STK24: variants seen among roughly 807,000 people sequenced by gnomAD.
The protein encoded by STK24 is serine/threonine kinase 24, also known as serine/threonine-protein kinase 24.
Under a neutral mutation model 55.6 loss-of-function variants are expected in STK24, and 21 were observed. The ratio of observed to expected loss-of-function variants is 0.38; its 90% CI spans 0.27 to 0.54. The LOEUF is 0.54. Ranked by LOEUF, STK24 falls within the 20% of genes least tolerant of loss-of-function variation. The pLI is 0.79. For missense variants in STK24, 383 were observed against 538.4 expected, an observed-to-expected ratio of 0.71 and a Z score of 2.86; for synonymous variants, 200 against 215.2, an observed-to-expected ratio of 0.93 and a Z score of 0.62.
intron 2 of STK24, among the ~76,000 whole-genome samples, chr13:98,502,567 T>C (rs1895516153): frequency 6.6e-6 from 1 of 152,128 alleles, no homozygotes; most frequent in Admixed American, 6.5e-5. Flanking sequence ...ATGAATGTAT[T>C]AATGTGGTGA....
chr13:98,525,562 A>G (rs1223921861), intron 1 of STK24, among the ~76,000 whole-genome samples: 1 of 152,168 alleles, frequency 6.6e-6, no homozygotes, highest in Non-Finnish European at 1.5e-5. Context: ...TCAGCACTCA[A>G]AAATATCAAT....
chr13:98,546,375 AAC>A (rs5806069), intron 1 of STK24, among the ~76,000 whole-genome samples: 38,996 of 152,024 alleles, frequency 0.26, 5,157 homozygotes, highest in African/African-American at 0.29. Context: ...CTCTTACAAA[AAC>A]ACACACGAGT....
chr13:98,560,917 A>C (rs1436064700), intron 1 of STK24, among the ~76,000 whole-genome samples: 5 of 148,252 alleles, frequency 3.4e-5, no homozygotes, highest in South Asian at 2.2e-4. Context: ...AAAAAAAAAA[A>C]ACCATAATTC....
At chr13:98,566,456 C>T (rs1228210694) in intron 1 of STK24, among the ~76,000 whole-genome samples, 1 of 152,192 alleles carries the variant, frequency 6.6e-6, no homozygotes, top group Admixed American at 6.5e-5. Context: ...GCTTCCGCCC[C>T]AGTGATGCTG....
intron 2 of STK24, among the ~76,000 whole-genome samples, chr13:98,495,837 T>A (rs1280107593): frequency 6.6e-6 from 1 of 152,276 alleles, no homozygotes; most frequent in Non-Finnish European, 1.5e-5. Flanking sequence ...TCGTCGTTGC[T>A]GATGTGTTTA....
At chr13:98,559,506 T>C (rs1311148459) in intron 1 of STK24, among the ~76,000 whole-genome samples, 1 of 152,202 alleles carries the variant, frequency 6.6e-6, no homozygotes, top group Non-Finnish European at 1.5e-5. Flanking sequence ...TCTTTTTCTT[T>C]ATAAATACCC....
intron 2 of STK24, among the ~76,000 whole-genome samples, chr13:98,511,571 C>T (rs921101445): frequency 1.3e-5 from 2 of 152,196 alleles, no homozygotes; most frequent in African/African-American, 4.8e-5. Flanking sequence ...ATAGGTAAAC[C>T]TGGTTATACA....
chr13:98,546,823 G>A (rs1897038903), intron 1 of STK24, among the ~76,000 whole-genome samples: 2 of 151,984 alleles, frequency 1.3e-5, no homozygotes, highest in East Asian at 1.9e-4. Flanking sequence ...TGTTTGTCAT[G>A]TGGACTCCAG....
chr13:98,512,568 T>C (rs1011389455), intron 2 of STK24, among the ~76,000 whole-genome samples: 5 of 116,488 alleles, frequency 4.3e-5, no homozygotes, highest in Admixed American at 3.4e-4. Context: ...ACACACAAAG[T>C]AAGTTTTTTT....
In STK24 at chr13:98,446,062, C is replaced by G. The variant is rs1892813900; in HGVS notation, c.*7111G>C. Reference sequence around the variant, plus strand: ...TCTCTGTGCCCTCCTGGGGCAGGTGCCCGCTGTGCTTCTCACAGGCCTCCT... The same window carrying G: ...TCTCTGTGCCCTCCTGGGGCAGGTGGCCGCTGTGCTTCTCACAGGCCTCCT... On this transcript the variant is annotated 3_prime_UTR_variant, in exon 11 of 11. Transcript: ENST00000539966. 5 of 1,423,292 alleles carry G rather than the reference C, an allele frequency of 3.5e-6. No individual in the cohort carries two copies. Among genetic ancestry groups the G allele is most frequent in the Non-Finnish European group, 4.0e-6 (4 of 1,007,392 alleles). The allele number at this position is 1,423,292 out of a possible 1,614,324, so 88.2% of individuals were successfully genotyped here.
At position 98,457,288 on chromosome 13, in the gene STK24, T is replaced by C. The variant is rs754690599; in HGVS notation, c.1139A>G (p.Gln380Arg). 6.2e-7 allele frequency: 1 copy of C among 1,614,066 alleles called. No individual in the cohort carries two copies. The highest frequency in any genetic ancestry group is 8.5e-7 in the Non-Finnish European group (1 of 1,180,044). The change falls in exon 10 of 11, where the codon CAG (glutamine) becomes CGG (arginine). Residue 380 changes from glutamine (Q) to arginine (R), a missense_variant. Gln to Arg is a conservative substitution (Grantham distance 43). Transcript: ENST00000539966. ...PLFAELKEKS[Q>R]ACGGNLGSIE... ...GGACCCCAAGTTCCCTCCGCACGCC[T>C]GGCTCTTCTCCTTCAACTGAAAACA...
chr13:98,508,079 C>T (rs538969555), intron 2 of STK24, among the ~76,000 whole-genome samples: 1 of 152,202 alleles, frequency 6.6e-6, no homozygotes, highest in South Asian at 2.1e-4. Context: ...AATGACGGTC[C>T]CAGCTACCCA....
chr13:98,515,216 A>G (rs1234559285), intron 2 of STK24, among the ~76,000 whole-genome samples: 2 of 152,112 alleles, frequency 1.3e-5, no homozygotes, highest in Admixed American at 1.3e-4. Flanking sequence ...CGTTACAATT[A>G]TATGTCTTCA....
chr13:98,486,333 C>CA (rs1167125125), intron 2 of STK24, among the ~76,000 whole-genome samples: 1 of 152,186 alleles, frequency 6.6e-6, no homozygotes, highest in Admixed American at 6.5e-5. Flanking sequence ...GGACAACAGA[C>CA]AGTCAACATG....
chr13:98,525,566 T>C (rs59783217), intron 1 of STK24, among the ~76,000 whole-genome samples: 5,366 of 152,214 alleles, frequency 0.035, 294 homozygotes, highest in African/African-American at 0.12. Flanking sequence ...CACTCAAAAA[T>C]ATCAATTAGA....
intron 1 of STK24, among the ~76,000 whole-genome samples, chr13:98,567,924 T>C (rs547190210): frequency 2.7e-5 from 3 of 110,962 alleles, no homozygotes; most frequent in South Asian, 3.2e-4. Flanking sequence ...GGAAAGTAGG[T>C]AGTGGTTTAA....
At chr13:98,501,339 C>G (rs1430271610) in intron 2 of STK24, among the ~76,000 whole-genome samples, 2 of 152,218 alleles carry the variant, frequency 1.3e-5, no homozygotes, top group Non-Finnish European at 2.9e-5. Context: ...AAGGCCCAAT[C>G]CTCCTCTTCC....
rs1594563721 is a variant in STK24 at position 98,453,339 on chromosome 13, T to A, written c.1260-130A>T. The A allele has an allele frequency of 7.9e-6, 7 of 887,392 alleles. No homozygotes were observed. The East Asian group carries it at 1.5e-4, about 19-fold the overall frequency. The allele number at this position is 887,392 out of a possible 1,614,324, so 55.0% of individuals were successfully genotyped here. On this transcript the variant is annotated intron_variant, in intron 10 of 10. Transcript: ENST00000539966. ...CATACAAAAATAAGTGGAGCAAATA[T>A]CAATGTGTAAGTCTAATTTTAAAAG...
intron 2 of STK24, among the ~76,000 whole-genome samples, chr13:98,516,201 A>G (rs1047059639): frequency 6.6e-6 from 1 of 152,224 alleles, no homozygotes; most frequent in Admixed American, 6.5e-5. Context: ...GTTTTAGAAG[A>G]GCAGTTCATG....
Sources: gnomAD v4.1 joint callset for allele counts (sites outside exome capture counted in the v4.1 genomes callset) on GRCh38, gnomAD v4.1.1 for gene constraint, MANE v1.5 for transcripts, NCBI Gene and HGNC (gene_info 2026-07-23, HGNC 2026-07-21) for gene names.